Variants in ASAP1 observed in about 807,000 individuals in gnomAD.
ASAP1 encodes the protein arf-GAP with SH3 domain, ANK repeat and PH domain-containing protein 1.
A neutral mutation model predicts 145.2 loss-of-function variants in ASAP1; 43 were observed. That is an observed-to-expected ratio of 0.30 (90% CI 0.23 to 0.38). The LOEUF (loss-of-function observed/expected upper bound fraction) is 0.38, where lower values mean the gene tolerates loss of function less well. Among genes scored for constraint, ASAP1 ranks in the 10% least tolerant of loss-of-function variants. The probability of loss-of-function intolerance (pLI) is 1.00; values close to 1 mark genes in which losing one functional copy is unlikely to be tolerated. For synonymous variants in ASAP1, 546 were observed against 515.5 expected (o/e 1.06, Z -0.80); for missense variants, 1,018 against 1,355.3 (o/e 0.75, Z 3.91).
At chr8:130,141,039 T>G (rs2097609656) in intron 13 of ASAP1, among the ~76,000 whole-genome samples, 1 of 152,232 alleles carries the variant, frequency 6.6e-6, no homozygotes, top group Non-Finnish European at 1.5e-5. Flanking sequence ...GATTGGAGAC[T>G]GTATAATCTT....
chr8:130,345,014 T>C (rs1363387943), intron 3 of ASAP1, among the ~76,000 whole-genome samples: 1 of 152,194 alleles, frequency 6.6e-6, no homozygotes, highest in Non-Finnish European at 1.5e-5. Context: ...GGAGACTGGT[T>C]GGCAGAACTG....
intron 5 of ASAP1, among the ~76,000 whole-genome samples, chr8:130,194,256 C>T (rs913826381): frequency 2.6e-5 from 4 of 151,598 alleles, no homozygotes; most frequent in Non-Finnish European, 4.4e-5. Context: ...AAACCAGCAA[C>T]GAAAATTTTA....
chr8:130,387,541 A>C (rs1205447212), intron 2 of ASAP1, among the ~76,000 whole-genome samples: 1 of 130,152 alleles, frequency 7.7e-6, no homozygotes, highest in Non-Finnish European at 1.7e-5. Flanking sequence ...ATCAAGAAAG[A>C]AAAAAAAAAA....
chr8:130,385,786 T>C (rs1033427692), intron 2 of ASAP1, among the ~76,000 whole-genome samples: 1 of 152,228 alleles, frequency 6.6e-6, no homozygotes, highest in Non-Finnish European at 1.5e-5. Context: ...CTACATCCAG[T>C]TACTTGGTTA....
At chr8:130,153,700 T>C (rs577368013) in intron 12 of ASAP1, among the ~76,000 whole-genome samples, 3 of 151,826 alleles carry the variant, frequency 2.0e-5, no homozygotes, top group South Asian at 2.1e-4. Context: ...AAATGGGAAA[T>C]AGAAACAATA....
intron 1 of ASAP1, among the ~76,000 whole-genome samples, chr8:130,408,742 C>T (rs4504679): frequency 0.41 from 62,489 of 152,006 alleles, 14,147 homozygotes; most frequent in African/African-American, 0.6. Context: ...TTGCAAGGAA[C>T]TGTGATTGTC....
chr8:130,187,147 CT>C, intron 7 of ASAP1, 88 bp downstream of exon 7: 5 of 1,168,360 alleles, frequency 4.3e-6, no homozygotes, highest in Non-Finnish European at 6.1e-6. Flanking sequence ...GGGCTCTGTC[CT>C]TTTTCCAGTT....
At chr8:130,239,240 T>G (rs988863364) in intron 3 of ASAP1, among the ~76,000 whole-genome samples, 25 of 152,134 alleles carry the variant, frequency 1.6e-4, no homozygotes, top group African/African-American at 5.8e-4. Flanking sequence ...TGAAAAGATT[T>G]AAGATTTGCA....
intron 4 of ASAP1, among the ~76,000 whole-genome samples, chr8:130,232,963 C>A (rs1208978172): frequency 3.9e-5 from 6 of 152,188 alleles, no homozygotes; most frequent in African/African-American, 1.4e-4. Flanking sequence ...TTGGATTCCA[C>A]TGAGCATGTA....
intron 1 of ASAP1, among the ~76,000 whole-genome samples, chr8:130,412,644 C>A (rs1053938447): frequency 1.3e-5 from 2 of 151,702 alleles, no homozygotes; most frequent in African/African-American, 4.8e-5. Context: ...ATAACAATTT[C>A]TTTTCTTTTC....
chr8:130,186,967 T>C (rs1586549094), intron 7 of ASAP1, among the ~76,000 whole-genome samples: 1 of 152,196 alleles, frequency 6.6e-6, no homozygotes, highest in Non-Finnish European at 1.5e-5. Context: ...AACTTGATAG[T>C]ACTAGCAGCC....
At chr8:130,333,177 C>G (rs1054416793) in intron 3 of ASAP1, among the ~76,000 whole-genome samples, 3 of 152,158 alleles carry the variant, frequency 2.0e-5, no homozygotes, top group Non-Finnish European at 2.9e-5. Flanking sequence ...CCTAAGCACC[C>G]CCAACCCTAG....
intron 15 of ASAP1, among the ~76,000 whole-genome samples, chr8:130,130,452 A>G (rs2097581271): frequency 6.6e-6 from 1 of 152,236 alleles, no homozygotes; most frequent in African/African-American, 2.4e-5. Context: ...ATAATTTTCT[A>G]GAGAAAATAA....
intron 1 of ASAP1, among the ~76,000 whole-genome samples, chr8:130,415,597 G>A (rs958694704): frequency 5.3e-5 from 8 of 152,146 alleles, no homozygotes; most frequent in Non-Finnish European, 8.8e-5. Flanking sequence ...AGACCAGCCT[G>A]GCCAACATGG....
chr8:130,236,299 C>T (rs1157075777), intron 4 of ASAP1, among the ~76,000 whole-genome samples: 1 of 151,864 alleles, frequency 6.6e-6, no homozygotes, highest in African/African-American at 2.4e-5. Context: ...CTGGAGCCTA[C>T]CATTTTTTGT....
chr8:130,158,759 T>C (rs979845916), intron 12 of ASAP1, among the ~76,000 whole-genome samples: 8 of 151,570 alleles, frequency 5.3e-5, no homozygotes, highest in Non-Finnish European at 1.2e-4. Flanking sequence ...TTTTTTTTTG[T>C]CTCGCACTGT....
chr8:130,141,891 A>G (rs925261446), intron 13 of ASAP1, among the ~76,000 whole-genome samples: 3 of 151,582 alleles, frequency 2.0e-5, no homozygotes, highest in African/African-American at 7.3e-5. Flanking sequence ...CTAATTTTTT[A>G]AATTTTTGTA....
chr8:130,218,881 ATGTG>A (rs1817105322), intron 4 of ASAP1, among the ~76,000 whole-genome samples: 1 of 151,900 alleles, frequency 6.6e-6, no homozygotes, highest in African/African-American at 2.4e-5. Context: ...GTATGTATGT[ATGTG>A]TGTATATACT....
chr8:130,186,723 C>T (rs545886089), intron 7 of ASAP1, among the ~76,000 whole-genome samples: 18 of 152,182 alleles, frequency 1.2e-4, no homozygotes, highest in Non-Finnish European at 2.2e-4. Context: ...TTCATGAGCC[C>T]CTTAGCCTCT....
Sources: allele counts gnomAD v4.1 joint callset (sites outside exome capture counted in the v4.1 genomes callset), GRCh38; gene constraint gnomAD v4.1.1; transcripts MANE v1.5; gene names NCBI Gene and HGNC (gene_info 2026-07-23, HGNC 2026-07-21).